SERPINB9: variants seen among roughly 807,000 people sequenced by gnomAD.
The protein encoded by SERPINB9 is serpin B9.
In SERPINB9, 20 loss-of-function variants were observed where a neutral mutation model predicts 27.2. The observed-to-expected ratio is 0.74, with a 90% CI of 0.52 to 1.07. The LOEUF (loss-of-function observed/expected upper bound fraction) is 1.07, where lower values mean the gene tolerates loss of function less well. SERPINB9 is among the 50% of genes least tolerant of loss of function. The probability of loss-of-function intolerance (pLI) is 0.00; values close to 1 mark genes in which losing one functional copy is unlikely to be tolerated. For missense variants in SERPINB9, 476 were observed against 460.1 expected (o/e 1.03, Z -0.32); for synonymous variants, 189 against 180.0 (o/e 1.05, Z -0.40).
In SERPINB9 at chr6:2,890,258, C is replaced by T. The variant is rs756686105; in HGVS notation, c.1036G>A (p.Gly346Ser). 4 of 1,614,208 alleles carry T rather than the reference C, an allele frequency of 2.5e-6. No homozygotes were observed. Among genetic ancestry groups the T allele is most frequent in the Non-Finnish European group, 3.4e-6 (4 of 1,180,046 alleles). Reference sequence around the variant, plus strand: ...GGGTGGTCAGCACAGAACCTGGGGCCAGATTCCATGCAGCACTCTGCAACT... The same window carrying T: ...GGGTGGTCAGCACAGAACCTGGGGCTAGATTCCATGCAGCACTCTGCAACT... Reference protein sequence around the residue: ...FVVAECCMESGPRFCADHPFL... With the variant: ...FVVAECCMESSPRFCADHPFL... The change falls in exon 7 of 7, where the codon GGC becomes AGC. Residue 346 changes from glycine to serine, a missense_variant. Coordinates refer to ENST00000380698, the MANE Select transcript of SERPINB9 (RefSeq NM_004155.6). This position sits in a 1 kb window ranked among gnomAD's most constrained non-coding sequence, Gnocchi z 6.2.
chr6:2,892,105 TAAAAAAAAAAAAAAAAA>T lies in SERPINB9; in HGVS notation c.568-134_568-118del, dbSNP rs535487251. On this transcript the variant is annotated intron_variant, in intron 5 of 6. Transcript: ENST00000380698. ...GCCACATTCATGCCCCAGTTAACACTAAAAAAAAAAAAAAAAAAAAAAAAAAAAAAAGTCAACCAGTT... is the reference window on the plus strand; with the variant it reads ...GCCACATTCATGCCCCAGTTAACACTAAAAAAAAAAAAAAGTCAACCAGTT... 9 of 118,048 alleles carry T rather than the reference TAAAAAAAAAAAAAAAAA, an allele frequency of 7.6e-5. 1 individual carries two copies. In the East Asian group the frequency reaches 1.2e-3, roughly 16 times the overall value. 7.3% of individuals were successfully genotyped at this position (118,048 alleles called of 1,614,324 possible). A position where few individuals can be genotyped will look rare whatever the true frequency, so the allele number is the denominator to read the frequency against.
Position 2,895,241 on chromosome 6 carries a change from G to A in SERPINB9, c.424+150C>T, listed in dbSNP as rs1767952684. The A allele has an allele frequency of 1.6e-5, 10 of 607,068 alleles. No individual in the cohort carries two copies. The East Asian group carries it at 2.8e-4, about 17-fold the overall frequency. The allele number at this position is 607,068 out of a possible 1,614,324, so 37.6% of individuals were successfully genotyped here. On this transcript the variant is annotated intron_variant, in intron 4 of 6. Coordinates refer to ENST00000380698, the MANE Select transcript of SERPINB9 (RefSeq NM_004155.6). ...AACACCCGTGAAATTAGAGGGGGCGGAGTGGAGAGGTGGAGGTGGGTGAGG... is the reference window on the plus strand; with the variant it reads ...AACACCCGTGAAATTAGAGGGGGCGAAGTGGAGAGGTGGAGGTGGGTGAGG...
chr6:2,891,718 C>A lies in SERPINB9; in HGVS notation c.723+115G>T. 1 of 1,249,510 alleles carries A rather than the reference C, an allele frequency of 8.0e-7. No individual in the cohort carries two copies. Among genetic ancestry groups the A allele is most frequent in the Non-Finnish European group, 1.1e-6 (1 of 913,190 alleles). The allele number at this position is 1,249,510 out of a possible 1,614,324, so 77.4% of individuals were successfully genotyped here. The stretch of plus-strand genomic sequence containing the variant: ...GTTCGATCCCAACGCCAAGTGCCTG[C>A]ACAGTGTGCGTCTGCCGCATCGCCA... On this transcript the variant is annotated intron_variant, in intron 6 of 6. Coordinates refer to ENST00000380698, the MANE Select transcript of SERPINB9 (RefSeq NM_004155.6). This position sits in a 1 kb window ranked among gnomAD's most constrained non-coding sequence, Gnocchi z 4.0.
rs934171892 is a variant in SERPINB9 at position 2,894,943 on chromosome 6, G to C, written c.424+448C>G. ...TATTTTTAGTAGAGATGTTGGGCGG[G>C]GGGGGGTCCCACCATGTTGGTCAGG... On this transcript the variant is annotated intron_variant, in intron 4 of 6. Coordinates refer to ENST00000380698, the MANE Select transcript of SERPINB9 (RefSeq NM_004155.6). This position sits in a 1 kb window ranked among gnomAD's most constrained non-coding sequence, Gnocchi z 4.7. Among the ~76,000 whole-genome samples the C allele has an allele frequency of 4.1e-5, 6 of 147,434 alleles. No homozygotes were observed. Among genetic ancestry groups the C allele is most frequent in the Admixed American group, 6.6e-5 (1 of 15,096 alleles).
rs535230524 is a variant in SERPINB9, at chr6:2,891,688, CA to C, written c.723+144del. On this transcript the variant is annotated intron_variant, in intron 6 of 6. Coordinates refer to ENST00000380698, the MANE Select transcript of SERPINB9 (RefSeq NM_004155.6). The surrounding 1 kb of genome is among the most constrained non-coding windows in gnomAD (Gnocchi z 4.0). ...AATATTGGGAAAAGTCAGCCTTGAACAAAAGTTCGATCCCAACGCCAAGTGC... is the reference window on the plus strand; with the variant it reads ...AATATTGGGAAAAGTCAGCCTTGAACAAAGTTCGATCCCAACGCCAAGTGC... 1.7e-4 allele frequency: 149 copies of C among 880,282 alleles called. No homozygotes were observed. In the African/African-American group the frequency reaches 2.3e-3, roughly 14 times the overall value. 54.5% of individuals were successfully genotyped at this position (880,282 alleles called of 1,614,324 possible). A position where few individuals can be genotyped will look rare whatever the true frequency, so the allele number is the denominator to read the frequency against.
intron 1 of SERPINB9, among the ~76,000 whole-genome samples, chr6:2,902,731 TG>T (rs1448142212): frequency 6.6e-6 from 1 of 152,172 alleles, no homozygotes; most frequent in African/African-American, 2.4e-5. Flanking sequence ...TTTGCCAGAC[TG>T]GTCTCGAACT....
chr6:2,897,237 G>A lies in SERPINB9; in HGVS notation c.169-1047C>T, dbSNP rs187033620. The stretch of plus-strand genomic sequence containing the variant: ...TCCCAGCACTTTGGGGGGCCGAGGC[G>A]GGCAGATCACTTGAGGTCAGGAGTT... On this transcript the variant is annotated intron_variant, in intron 2 of 6. Transcript: ENST00000380698. Among the ~76,000 whole-genome samples, 186 of 152,250 alleles carry A rather than the reference G, an allele frequency of 1.2e-3. 1 individual carries two copies. The highest frequency in any genetic ancestry group is 4.1e-3 in the African/African-American group (171 of 41,532).
rs761776347 is a variant in SERPINB9, at chr6:2,893,450, G to A, written c.528C>T (p.Asp176=). The A allele has an allele frequency of 1.5e-5, 24 of 1,612,422 alleles. No homozygotes were observed. Among genetic ancestry groups the A allele is most frequent in the Middle Eastern group, 1.6e-4 (1 of 6,082 alleles). ...AGGGCATTTCCCTTGTGTATGTTTC[G>A]TCAAACGGTTCATTCCACTTTCCTT... ...YFKGKWNEPF[D]ETYTREMPFK... is the part of the protein sequence containing the mutation. The change falls in exon 5 of 7, where the codon GAC becomes GAT. Residue 176 remains aspartate (D), a synonymous_variant. Transcript: ENST00000380698.
chr6:2,891,200 G>A lies in SERPINB9; in HGVS notation c.724-630C>T, dbSNP rs910439325. On this transcript the variant is annotated intron_variant, in intron 6 of 6. Transcript: ENST00000380698. This position sits in a 1 kb window ranked among gnomAD's most constrained non-coding sequence, Gnocchi z 4.0. The stretch of plus-strand genomic sequence containing the variant: ...CTCACCCTGGAGATCCATGCTGAAA[G>A]GAAGCCGAGTGCCTGGATGTGCCCT... 1.8e-4 allele frequency among the ~76,000 whole-genome samples: 27 copies of A among 152,298 alleles called. No homozygotes were observed. The highest frequency in any genetic ancestry group is 1.6e-3 in the Admixed American group (25 of 15,304).
At position 2,890,611 on chromosome 6, in the gene SERPINB9, G is replaced by A. The variant is rs781138596; in HGVS notation, c.724-41C>T. On this transcript the variant is annotated intron_variant, in intron 6 of 6. Transcript: ENST00000380698. This position sits in a 1 kb window ranked among gnomAD's most constrained non-coding sequence, Gnocchi z 6.2. The stretch of plus-strand genomic sequence containing the variant: ...TAGACTTTAAGATTCCGACTTCAGT[G>A]CACATGTACAAGCGCACAGGCACTC... 8.3e-6 allele frequency: 13 copies of A among 1,567,402 alleles called. No individual in the cohort carries two copies. The South Asian group carries it at 1.1e-4, about 13-fold the overall frequency.
In SERPINB9 at chr6:2,900,601, A is replaced by G. The variant is rs758109588; in HGVS notation, c.11T>C (p.Leu4Pro). 39 of 1,614,038 alleles carry G rather than the reference A, an allele frequency of 2.4e-5. 1 individual carries two copies. The highest frequency in any genetic ancestry group is 1.6e-4 in the Middle Eastern group (1 of 6,084). Residue 4 changes from leucine (L) to proline (P), a missense_variant, in exon 2 of 7, where the codon CTT becomes CCT. Leu to Pro is a moderately conservative substitution (Grantham distance 98). Coordinates refer to ENST00000380698, the MANE Select transcript of SERPINB9 (RefSeq NM_004155.6). MET[L>P]SNASGTFAIR... ...GGCAAAAGTACCACTTGCATTAGAA[A>G]GAGTTTCCATGATGCAGGGCCTGGA...
chr6:2,892,587 A>G (rs1767848254), intron 5 of SERPINB9, among the ~76,000 whole-genome samples: 1 of 152,190 alleles, frequency 6.6e-6, no homozygotes, highest in African/African-American at 2.4e-5. Context: ...TCAGCAAAGT[A>G]TTACATTTAT....
intron 4 of SERPINB9, 101 bp from the exon 5 acceptor site, chr6:2,893,654 A>G (rs929513683): frequency 4.3e-5 from 47 of 1,094,960 alleles, no homozygotes; most frequent in Non-Finnish European, 5.9e-5. Context: ...TCTGTTTTCA[A>G]CTTTGCTGAG....
chr6:2,887,587 C>G lies in SERPINB9; in HGVS notation c.*2576G>C, dbSNP rs910157126. ...TAGGGCTGGGCTCAGTGGCTTATGCCTGTAATCCTAGCACTTTGGGAGGCT... is the reference window on the plus strand; with the variant it reads ...TAGGGCTGGGCTCAGTGGCTTATGCGTGTAATCCTAGCACTTTGGGAGGCT... On this transcript the variant is annotated 3_prime_UTR_variant, in exon 7 of 7. Coordinates refer to ENST00000380698, the MANE Select transcript of SERPINB9 (RefSeq NM_004155.6). 2.0e-5 allele frequency: 3 copies of G among 152,146 alleles called. No homozygotes were observed. Among genetic ancestry groups the G allele is most frequent in the African/African-American group, 7.2e-5 (3 of 41,426 alleles). 9.4% of individuals were successfully genotyped at this position (152,146 alleles called of 1,614,324 possible).
In SERPINB9 at chr6:2,890,141, G is replaced by A. The variant is rs762941198; in HGVS notation, c.*22C>T. 5.6e-6 allele frequency: 9 copies of A among 1,595,314 alleles called. No individual in the cohort carries two copies. The highest frequency in any genetic ancestry group is 4.5e-5 in the East Asian group (2 of 44,484). On this transcript the variant is annotated 3_prime_UTR_variant, in exon 7 of 7. Coordinates refer to ENST00000380698, the MANE Select transcript of SERPINB9 (RefSeq NM_004155.6). This position sits in a 1 kb window ranked among gnomAD's most constrained non-coding sequence, Gnocchi z 6.2. ...GGGACACAGGAAGAGGGAAATGGCC[G>A]AGTGCACGGTAAGTGCACCCTTTAT... is the stretch of plus-strand genomic sequence containing the variant.
rs942278855 is a variant in SERPINB9, at chr6:2,898,931, A to T, written c.168+1513T>A. Among the ~76,000 whole-genome samples, 11 of 152,228 alleles carry T rather than the reference A, an allele frequency of 7.2e-5. No individual in the cohort carries two copies. The East Asian group carries it at 2.1e-3, about 29-fold the overall frequency. Reference sequence around the variant, plus strand: ...TCCCTTCTACTTTTATTTTTTAAAAATTTTTATAGTGGACTTTTACCAGTT... The same window carrying T: ...TCCCTTCTACTTTTATTTTTTAAAATTTTTTATAGTGGACTTTTACCAGTT... On this transcript the variant is annotated intron_variant, in intron 2 of 6. Transcript: ENST00000380698.
chr6:2,892,853 A>G (rs191747573), intron 5 of SERPINB9, among the ~76,000 whole-genome samples: 6 of 152,104 alleles, frequency 3.9e-5, no homozygotes, highest in East Asian at 1.9e-4. Context: ...TTTTACTTCA[A>G]TGTCAAAACT....
chr6:2,890,300 C>T lies in SERPINB9; in HGVS notation c.994G>A (p.Ala332Thr), dbSNP rs756334762. 3 of 1,614,144 alleles carry T rather than the reference C, an allele frequency of 1.9e-6. No individual in the cohort carries two copies. The highest frequency in any genetic ancestry group is 2.2e-5 in the South Asian group (2 of 91,092). ...VNEEGTEAAA[A>T]SSCFVVAECC... ...TCTGCAACTACAAAGCAGCTCGACG[C>T]TGCCGCTGCCTCGGTGCCTTCTTCA... The change falls in exon 7 of 7, where the codon GCG becomes ACG. Residue 332 changes from alanine (A) to threonine (T), a missense_variant. Coordinates refer to ENST00000380698, the MANE Select transcript of SERPINB9 (RefSeq NM_004155.6). This position sits in a 1 kb window ranked among gnomAD's most constrained non-coding sequence, Gnocchi z 6.2.
chr6:2,895,122 T>C (rs1385096370), intron 4 of SERPINB9, among the ~76,000 whole-genome samples: 3 of 152,220 alleles, frequency 2.0e-5, no homozygotes, highest in Non-Finnish European at 2.9e-5. Context: ...TCTCTGTTGC[T>C]GAAAACCTGA....
Sources: gnomAD v4.1 joint callset for allele counts (sites outside exome capture counted in the v4.1 genomes callset) on GRCh38, gnomAD v4.1.1 for gene constraint, Gnocchi (gnomAD v3.1) non-coding constraint, MANE v1.5 for transcripts, NCBI Gene and HGNC (gene_info 2026-07-23, HGNC 2026-07-21) for gene names.